The following RGS3 variants were observed in gnomAD, a reference collection of about 807,000 sequenced individuals.
RGS3 encodes the protein regulator of G protein signaling 3.
Under a neutral mutation model 132.6 loss-of-function variants are expected in RGS3, and 80 were observed. The observed-to-expected ratio is 0.60, with a 90% CI of 0.50 to 0.73. RGS3 has a LOEUF of 0.73. RGS3 is among the 30% of genes least tolerant of loss of function. The pLI, the probability that RGS3 is intolerant of heterozygous loss-of-function variation, is 0.00. For missense variants in RGS3, 1,382 were observed against 1,530.8 expected (o/e 0.90, Z 1.62); for synonymous variants, 598 against 620.6 (o/e 0.96, Z 0.54).
At chr9:113,481,335 G>C (rs186243039) in intron 4 of RGS3, among the ~76,000 whole-genome samples, 187 of 152,314 alleles carry the variant, frequency 1.2e-3, no homozygotes, top group Non-Finnish European at 2.1e-3. Context: ...GTGGTTCATT[G>C]TCACTGCTGG....
intron 22 of RGS3, 103 bp downstream of exon 20, chr9:113,594,634 T>A (rs894046720): frequency 1.0e-6 from 1 of 986,392 alleles, no homozygotes; most frequent in South Asian, 1.5e-5. Flanking sequence ...GCCGGCTTGA[T>A]CCAGCTCTGG....
intron 1 of RGS3, among the ~76,000 whole-genome samples, chr9:113,446,340 A>G (rs558936941): frequency 6.6e-6 from 1 of 152,342 alleles, no homozygotes; most frequent in Admixed American, 6.5e-5. Context: ...AGAAAAGAAA[A>G]GTTCTGGAGA....
chr9:113,498,565 T>G (rs1170428018), intron 10 of RGS3, among the ~76,000 whole-genome samples: 2 of 152,122 alleles, frequency 1.3e-5, no homozygotes, highest in Non-Finnish European at 2.9e-5. Context: ...CAAAAGTCAT[T>G]CCATCTCTTT....
At chr9:113,449,898 A>T (rs1017150889) in intron 1 of RGS3, among the ~76,000 whole-genome samples, 3 of 149,910 alleles carry the variant, frequency 2.0e-5, no homozygotes, top group Non-Finnish European at 4.4e-5. Flanking sequence ...GCCCGCCCCC[A>T]CTCTTGGCTA....
At chr9:113,595,042 C>G (rs1293006302) in intron 23 of RGS3, 62 bp downstream of exon 21, 1 of 1,509,222 alleles carries the variant, frequency 6.6e-7, no homozygotes, top group Non-Finnish European at 9.2e-7. Context: ...CGCCCCCATC[C>G]AGACCCTGTG....
chr9:113,489,495 T>G (rs1189081719), intron 7 of RGS3, among the ~76,000 whole-genome samples: 1 of 152,164 alleles, frequency 6.6e-6, no homozygotes, highest in East Asian at 1.9e-4. Context: ...TCCTCAGGAC[T>G]CAGGGTGCTT....
At chr9:113,505,301 G>A in intron 10 of RGS3, 141 bp from the exon 9 acceptor site, 1 of 682,976 alleles carries the variant, frequency 1.5e-6, no homozygotes, top group South Asian at 1.7e-5. Flanking sequence ...GACACTGAGG[G>A]GCTGGCTAGC....
chr9:113,512,914 AGGCTGGGCATGGTGGCTCAT>A (rs1564510816), intron 14 of RGS3, among the ~76,000 whole-genome samples: 12 of 152,220 alleles, frequency 7.9e-5, no homozygotes, highest in Non-Finnish European at 1.6e-4. Context: ...ACCTGTGCAC[AGGCTGGGCATGGTGGCTCAT>A]GCCTGTAATC....
chr9:113,447,044 G>A (rs1436752036), intron 1 of RGS3, among the ~76,000 whole-genome samples: 2 of 151,842 alleles, frequency 1.3e-5, no homozygotes, highest in East Asian at 2.0e-4. Context: ...GGTGGATCAC[G>A]AGGTCAGGAG....
intron 19 of RGS3, among the ~76,000 whole-genome samples, chr9:113,554,051 AG>A (rs1348947992): frequency 6.6e-6 from 1 of 152,204 alleles, no homozygotes; most frequent in Non-Finnish European, 1.5e-5. Flanking sequence ...GCTCTAAAAA[AG>A]CTTTCCTTCT....
intron 4 of RGS3, among the ~76,000 whole-genome samples, chr9:113,480,830 C>A (rs1055097337): frequency 6.6e-6 from 1 of 152,232 alleles, no homozygotes; most frequent in Admixed American, 6.5e-5. Context: ...TCCTTCCATC[C>A]GGCACATGAA....
At chr9:113,574,994 G>A (rs1834446742) in intron 19 of RGS3, among the ~76,000 whole-genome samples, 1 of 152,188 alleles carries the variant, frequency 6.6e-6, no homozygotes, top group African/African-American at 2.4e-5. Context: ...GGTGGGTGGG[G>A]ACAAAGACTA....
rs1831167419 is a variant in RGS3 at position 113,507,198 on chromosome 9, C to A, written c.1086-89C>A. On this transcript the variant is annotated intron_variant, in intron 12 of 24. Coordinates refer to ENST00000350696, the Ensembl canonical transcript of RGS3. The surrounding 1 kb of genome is among the most constrained non-coding windows in gnomAD (Gnocchi z 5.0). ...CTCTGGTGTCTGCCTCCTCTTCCCC[C>A]ATTATCCTCTCTGCCCTGTGGGCCC... is the stretch of plus-strand genomic sequence containing the variant. 9.5e-7 allele frequency: 1 copy of A among 1,055,804 alleles called. No individual in the cohort carries two copies. The highest frequency in any genetic ancestry group is 1.4e-6 in the Non-Finnish European group (1 of 725,710). The allele number at this position is 1,055,804 out of a possible 1,614,324, so 65.4% of individuals were successfully genotyped here.
At chr9:113,583,124 C>T (rs1216969885) in intron 19 of RGS3, 10 of 354,310 alleles carry the variant, frequency 2.8e-5, no homozygotes, top group South Asian at 6.7e-5. Context: ...ATAGGGTTGT[C>T]GGGAAGGCCA....
In RGS3 at chr9:113,580,965, G is replaced by A. The variant is rs1834771930; in HGVS notation, c.2038-2485G>A. The stretch of plus-strand genomic sequence containing the variant: ...TCCGTGCCAGGCCCTGAGGGCACCC[G>A]GTTGCTGCTTCCTTCCGTCTTTCCC... On this transcript the variant is annotated intron_variant, in intron 19 of 24. Coordinates refer to ENST00000350696, the Ensembl canonical transcript of RGS3. 5 of 985,528 alleles carry A rather than the reference G, an allele frequency of 5.1e-6. No individual in the cohort carries two copies. The South Asian group carries it at 1.4e-4, about 28-fold the overall frequency. 61.0% of individuals were successfully genotyped at this position (985,528 alleles called of 1,614,324 possible).
intron 19 of RGS3, among the ~76,000 whole-genome samples, chr9:113,557,957 C>T (rs1833637453): frequency 6.6e-6 from 1 of 152,100 alleles, no homozygotes; most frequent in Non-Finnish European, 1.5e-5. Context: ...ATCCTGAGTG[C>T]AGGGGTTGAT....
chr9:113,497,712 A>G (rs1250549916), intron 9 of RGS3, among the ~76,000 whole-genome samples: 1 of 152,142 alleles, frequency 6.6e-6, no homozygotes. Flanking sequence ...TCCATGTCTC[A>G]GGGATCCCCC....
chr9:113,518,955 A>G (rs1414826014), intron 16 of RGS3, among the ~76,000 whole-genome samples: 1 of 152,194 alleles, frequency 6.6e-6, no homozygotes, highest in Non-Finnish European at 1.5e-5. Context: ...AGCCAGTTAG[A>G]GATGGCAGCC....
chr9:113,459,170 C>T (rs763540165), upstream of RGS3, among the ~76,000 whole-genome samples: 20 of 152,182 alleles, frequency 1.3e-4, no homozygotes, highest in African/African-American at 1.9e-4. Flanking sequence ...TTCTACCTAG[C>T]GCTGACACAT....
Sources: gnomAD v4.1 joint callset for allele counts (sites outside exome capture counted in the v4.1 genomes callset) on GRCh38, gnomAD v4.1.1 for gene constraint, Gnocchi (gnomAD v3.1) non-coding constraint, MANE v1.5 for transcripts, NCBI Gene and HGNC (gene_info 2026-07-23, HGNC 2026-07-21) for gene names.